The following TMEM87A variants were observed in gnomAD, a reference collection of about 807,000 sequenced individuals.
TMEM87A encodes the protein transmembrane protein 87A.
In TMEM87A, 50 loss-of-function variants were observed where a neutral mutation model predicts 90.0. The observed-to-expected ratio is 0.56, with a 90% CI of 0.44 to 0.70. TMEM87A has a LOEUF of 0.70. Among genes scored for constraint, TMEM87A ranks in the 30% least tolerant of loss-of-function variants. The pLI is 0.00. For missense variants in TMEM87A, 577 were observed against 660.5 expected (o/e 0.87, Z 1.39); for synonymous variants, 226 against 226.7 (o/e 1.00, Z 0.03).
At chr15:42,231,697 A>G (rs892017106) in intron 11 of TMEM87A, 1 of 186,964 alleles carries the variant, frequency 5.3e-6, no homozygotes, top group South Asian at 1.4e-4. Flanking sequence ...AAATTATAAT[A>G]TTTTACAAAT....
At chr15:42,216,608 G>A (rs993492312) in intron 19 of TMEM87A, among the ~76,000 whole-genome samples, 6 of 152,290 alleles carry the variant, frequency 3.9e-5, no homozygotes, top group African/African-American at 1.4e-4. Flanking sequence ...AATTAGCAGA[G>A]GAAGACCTCA....
intron 10 of TMEM87A, among the ~76,000 whole-genome samples, chr15:42,234,070 C>T (rs1034353104): frequency 3.3e-5 from 5 of 152,114 alleles, no homozygotes; most frequent in African/African-American, 1.2e-4. Flanking sequence ...GCATGAGCCA[C>T]TGTGCCTGGC....
At chr15:42,252,882 ATG>A (rs1289813609) in intron 6 of TMEM87A, among the ~76,000 whole-genome samples, 1 of 152,178 alleles carries the variant, frequency 6.6e-6, no homozygotes, top group Non-Finnish European at 1.5e-5. Flanking sequence ...TGAAAACTGA[ATG>A]TTATAAAGTG....
intron 14 of TMEM87A, 65 bp downstream of exon 14, chr15:42,227,646 C>T (rs1033429173): frequency 2.3e-5 from 33 of 1,457,964 alleles, no homozygotes; most frequent in Non-Finnish European, 3.0e-5. Context: ...AACCTTACCA[C>T]TGTCATCAAC....
chr15:42,236,327 T>G lies in TMEM87A; in HGVS notation c.961A>C (p.Ile321Leu). The G allele has an allele frequency of 6.2e-7, 1 of 1,613,924 alleles. No individual in the cohort carries two copies. The highest frequency in any genetic ancestry group is 8.5e-7 in the Non-Finnish European group (1 of 1,179,798). The change falls in exon 10 of 20, where the codon ATC becomes CTC. Residue 321 changes from isoleucine (I) to leucine (L), a missense_variant. Physicochemically the swap from Ile to Leu is conservative, Grantham distance 5. Transcript: ENST00000389834. ...CAGGAAGTTAATACTTACTTGACGA[T>G]GCCATATCCCAGACTGACTATGATG... is the stretch of plus-strand genomic sequence containing the variant. ...LVIIVSLGYG[I>L]VKPRLGVTLH...
At chr15:42,222,886 T>C (rs2050520147) in intron 15 of TMEM87A, among the ~76,000 whole-genome samples, 2 of 152,182 alleles carry the variant, frequency 1.3e-5, no homozygotes, top group African/African-American at 4.8e-5. Context: ...AAAAAGTCAT[T>C]AGAGAATAAT....
At chr15:42,250,643 G>C (rs1011839040) in intron 6 of TMEM87A, among the ~76,000 whole-genome samples, 1 of 152,136 alleles carries the variant, frequency 6.6e-6, no homozygotes, top group African/African-American at 2.4e-5. Flanking sequence ...TGGGTAACCC[G>C]ACCTTTCTCT....
chr15:42,217,126 G>A (rs746208608), intron 19 of TMEM87A, among the ~76,000 whole-genome samples: 2 of 151,786 alleles, frequency 1.3e-5, no homozygotes, highest in Non-Finnish European at 2.9e-5. Context: ...GCTAATTTTT[G>A]TATGTTTTGT....
intron 6 of TMEM87A, among the ~76,000 whole-genome samples, chr15:42,247,032 C>T (rs2050988880): frequency 7.2e-6 from 1 of 138,864 alleles, no homozygotes; most frequent in African/African-American, 2.7e-5. Context: ...ATTTGCATTT[C>T]TCTGATGACC....
chr15:42,267,816 G>A (rs2051435295), intron 3 of TMEM87A, 131 bp downstream of exon 3: 2 of 584,434 alleles, frequency 3.4e-6, no homozygotes, highest in Admixed American at 3.9e-5. Flanking sequence ...TCTGCAAATT[G>A]GGAAGCATGC....
At chr15:42,252,594 T>C (rs1355263702) in intron 6 of TMEM87A, among the ~76,000 whole-genome samples, 1 of 152,170 alleles carries the variant, frequency 6.6e-6, no homozygotes, top group Admixed American at 6.5e-5. Context: ...GATGAATTCC[T>C]ATTATGTGGA....
At chr15:42,237,403 G>C (rs537826110) in intron 9 of TMEM87A, 29 bp downstream of exon 9, 2 of 1,608,860 alleles carry the variant, frequency 1.2e-6, no homozygotes, top group Non-Finnish European at 8.5e-7. Flanking sequence ...CCAACCACTC[G>C]AACTGGCAAA....
chr15:42,261,358 T>A, intron 4 of TMEM87A, 109 bp from the exon 5 acceptor site: 1 of 767,848 alleles, frequency 1.3e-6, no homozygotes, highest in African/African-American at 1.8e-5. Context: ...CCCTAACTAG[T>A]AAATATAATA....
chr15:42,239,745 G>C lies in TMEM87A; in HGVS notation c.623-14C>G. On this transcript the variant is annotated splice_polypyrimidine_tract_variant and intron_variant, in intron 7 of 19. Coordinates refer to ENST00000389834, the MANE Select transcript of TMEM87A (RefSeq NM_015497.5). ...CTTCAACAGTCACTGCCAAAACAGA[G>C]TCCTCAGAATTAATTTACAGGATGC... 1 of 1,610,160 alleles carries C rather than the reference G, an allele frequency of 6.2e-7. No homozygotes were observed. Among genetic ancestry groups the C allele is most frequent in the Non-Finnish European group, 8.5e-7 (1 of 1,176,498 alleles).
intron 1 of TMEM87A, 197 bp downstream of exon 1, chr15:42,273,058 T>G (rs1436716077): frequency 2.8e-6 from 2 of 707,306 alleles, no homozygotes; most frequent in Non-Finnish European, 4.9e-6. Flanking sequence ...GGCCCTTACA[T>G]TCCCGCTAGC....
chr15:42,260,947 A>T lies in TMEM87A; in HGVS notation c.504+11T>A, dbSNP rs965481092. ...ATGTGTTCAATGCCCCAAATCCCCA[A>T]ATATACTTACGGTTTTGTCTCCAAT... On this transcript the variant is annotated intron_variant, in intron 6 of 19. Coordinates refer to ENST00000389834, the MANE Select transcript of TMEM87A (RefSeq NM_015497.5). 2.5e-6 allele frequency: 4 copies of T among 1,606,846 alleles called. No individual in the cohort carries two copies. The African/African-American group carries it at 4.0e-5, about 16-fold the overall frequency.
intron 15 of TMEM87A, among the ~76,000 whole-genome samples, chr15:42,224,854 C>T (rs915700042): frequency 6.6e-6 from 1 of 151,844 alleles, no homozygotes. Flanking sequence ...GCAGTTAACA[C>T]TGAAGTCACA....
chr15:42,231,845 C>A, intron 11 of TMEM87A: 1 of 1,263,704 alleles, frequency 7.9e-7, no homozygotes. Context: ...AAAGGATATC[C>A]ATAAAATAAC....
In TMEM87A at chr15:42,211,669, C is replaced by G. The variant is rs2050289546; in HGVS notation, c.*39G>C. The stretch of plus-strand genomic sequence containing the variant: ...ACTGACACAGATGCTGATCTCTTCC[C>G]TGATGGTAGCCATCTTTAACTGCAA... On this transcript the variant is annotated 3_prime_UTR_variant, in exon 20 of 20. Transcript: ENST00000389834. The G allele has an allele frequency of 6.2e-7, 1 of 1,600,744 alleles. No homozygotes were observed. Among genetic ancestry groups the G allele is most frequent in the Non-Finnish European group, 8.6e-7 (1 of 1,168,790 alleles).
Sources: gnomAD v4.1 joint callset for allele counts (sites outside exome capture counted in the v4.1 genomes callset) on GRCh38, gnomAD v4.1.1 for gene constraint, MANE v1.5 for transcripts, NCBI Gene and HGNC (gene_info 2026-07-23, HGNC 2026-07-21) for gene names.